NTRK2: variants seen among roughly 807,000 people sequenced by gnomAD.
NTRK2 encodes the protein neurotrophic receptor tyrosine kinase 2.
A neutral mutation model predicts 94.5 loss-of-function variants in NTRK2; 13 were observed. The observed-to-expected ratio is 0.14, with a 90% CI of 0.09 to 0.22. The LOEUF is 0.22. NTRK2 is among the 10% of genes least tolerant of loss of function. The pLI is 1.00. For missense variants in NTRK2, 639 were observed against 1,071.2 expected (o/e 0.60, Z 5.63); for synonymous variants, 372 against 407.4 (o/e 0.91, Z 1.05).
chr9:84,894,152 A>T (rs62562455), intron 14 of NTRK2, among the ~76,000 whole-genome samples: 1 of 150,680 alleles, frequency 6.6e-6, no homozygotes, highest in Non-Finnish European at 1.5e-5. Context: ...TTTGGGTGTT[A>T]CTTGACTATT....
At chr9:84,905,307 A>T (rs947927643) in intron 14 of NTRK2, among the ~76,000 whole-genome samples, 1 of 147,794 alleles carries the variant, frequency 6.8e-6, no homozygotes, top group African/African-American at 2.5e-5. Context: ...TGTGTGTGTG[A>T]CTGACAGAAA....
chr9:84,876,833 A>C, intron 14 of NTRK2: 1 of 1,062,604 alleles, frequency 9.4e-7, no homozygotes, highest in Non-Finnish European at 1.1e-6. Flanking sequence ...GTCAGAATGT[A>C]TACATTTAGT....
intron 14 of NTRK2, among the ~76,000 whole-genome samples, chr9:84,881,040 G>A (rs1182275098): frequency 6.6e-6 from 1 of 152,226 alleles, no homozygotes; most frequent in African/African-American, 2.4e-5. Context: ...TTGGGGTGGA[G>A]ATGCAGCCAG....
intron 14 of NTRK2, chr9:84,872,600 T>G: frequency 9.4e-7 from 1 of 1,064,136 alleles, no homozygotes; most frequent in African/African-American, 1.6e-5. Flanking sequence ...TAAAGTATTC[T>G]GACTTTTTTT....
intron 11 of NTRK2, among the ~76,000 whole-genome samples, chr9:84,747,674 GT>G (rs1425488253): frequency 6.6e-6 from 1 of 151,896 alleles, no homozygotes; most frequent in Non-Finnish European, 1.5e-5. Context: ...GTAGAGACAT[GT>G]TTTCACCATG....
chr9:84,927,540 A>C lies in NTRK2; in HGVS notation c.1634-6622A>C, dbSNP rs1337972651. 2.0e-5 allele frequency among the ~76,000 whole-genome samples: 3 copies of C among 152,218 alleles called. No individual in the cohort carries two copies. In the East Asian group the frequency reaches 5.8e-4, roughly 29 times the overall value. ...AAAGTTTATTGAACTAAATTGTTAGAAATAGACCTCTGATTTCCTAGATAG... is the reference window on the plus strand; with the variant it reads ...AAAGTTTATTGAACTAAATTGTTAGCAATAGACCTCTGATTTCCTAGATAG... On this transcript the variant is annotated intron_variant, in intron 14 of 18. Coordinates refer to ENST00000277120, the MANE Select transcript of NTRK2 (RefSeq NM_006180.6).
rs918780579 is a variant in NTRK2, at chr9:84,969,881, C to T, written c.2172+14364C>T. Among the ~76,000 whole-genome samples, 10 of 152,246 alleles carry T rather than the reference C, an allele frequency of 6.6e-5. No homozygotes were observed. The East Asian group carries it at 1.3e-3, about 21-fold the overall frequency. On this transcript the variant is annotated intron_variant, in intron 17 of 18. Transcript: ENST00000277120. ...CTTTACAGCATTGTAAACCAGTGCA[C>T]GAATGCTCATTAGACATGTATAATA...
At position 84,743,641 on chromosome 9, in the gene NTRK2, T is replaced by C. The variant is rs567372347; in HGVS notation, c.1196-1332T>C. Reference sequence around the variant, plus strand: ...CATCTTAAAATTACATTTTTGACCCTTTCCCAGTTAATTCAAGACTTTAAA... The same window carrying C: ...CATCTTAAAATTACATTTTTGACCCCTTCCCAGTTAATTCAAGACTTTAAA... On this transcript the variant is annotated intron_variant, in intron 10 of 18. Coordinates refer to ENST00000277120, the MANE Select transcript of NTRK2 (RefSeq NM_006180.6). 2.6e-5 allele frequency among the ~76,000 whole-genome samples: 4 copies of C among 152,330 alleles called. No individual in the cohort carries two copies. In the East Asian group the frequency reaches 7.7e-4, roughly 29 times the overall value.
intron 15 of NTRK2, among the ~76,000 whole-genome samples, chr9:84,945,145 G>T (rs2078554219): frequency 6.6e-6 from 1 of 152,206 alleles, no homozygotes; most frequent in East Asian, 1.9e-4. Context: ...TTGGAAACAA[G>T]TCCTTTCACT....
chr9:84,743,698 C>G (rs2063829951), intron 10 of NTRK2, among the ~76,000 whole-genome samples: 1 of 152,210 alleles, frequency 6.6e-6, no homozygotes, highest in African/African-American at 2.4e-5. Context: ...TCAGATCCTA[C>G]TTTGGATCTT....
intron 12 of NTRK2, among the ~76,000 whole-genome samples, chr9:84,788,413 G>A (rs2068349395): frequency 6.6e-6 from 1 of 152,184 alleles, no homozygotes; most frequent in Non-Finnish European, 1.5e-5. Flanking sequence ...AGAAGCACCT[G>A]GTGAGTTTGC....
At chr9:84,790,840 G>A (rs1291338682) in intron 12 of NTRK2, among the ~76,000 whole-genome samples, 2 of 152,150 alleles carry the variant, frequency 1.3e-5, no homozygotes, top group African/African-American at 4.8e-5. Flanking sequence ...GTTCTGATAA[G>A]GCAGTTATTA....
intron 12 of NTRK2, among the ~76,000 whole-genome samples, chr9:84,830,117 A>G (rs886641338): frequency 1.3e-5 from 2 of 152,188 alleles, no homozygotes; most frequent in Non-Finnish European, 2.9e-5. Flanking sequence ...GTTGGCATTC[A>G]TGTAGACTTA....
intron 2 of NTRK2, among the ~76,000 whole-genome samples, chr9:84,672,936 G>T (rs930321950): frequency 9.2e-5 from 14 of 152,134 alleles, no homozygotes; most frequent in Non-Finnish European, 1.8e-4. Context: ...ATGTGTCATA[G>T]TTATTCATTC....
intron 12 of NTRK2, among the ~76,000 whole-genome samples, chr9:84,781,058 G>T (rs557854204): frequency 3.3e-5 from 5 of 152,090 alleles, no homozygotes; most frequent in Non-Finnish European, 7.4e-5. Flanking sequence ...GGTGCAAAAG[G>T]GTAAATGTGC....
intron 2 of NTRK2, among the ~76,000 whole-genome samples, chr9:84,682,400 C>T (rs1184396874): frequency 6.6e-6 from 1 of 152,140 alleles, no homozygotes; most frequent in Non-Finnish European, 1.5e-5. Flanking sequence ...ACCATGAATA[C>T]ACTTTGTAAC....
At chr9:84,686,877 G>T (rs1054479196) in intron 2 of NTRK2, among the ~76,000 whole-genome samples, 3 of 152,078 alleles carry the variant, frequency 2.0e-5, no homozygotes, top group African/African-American at 7.2e-5. Flanking sequence ...GAAGTCTATA[G>T]GTTAATAAAT....
rs2117925042 is a variant in NTRK2 at position 85,020,190 on chromosome 9, A to T, written c.2173-16A>T. ...CGGGGTGACTGATGCCTCCCTGTTGATCCCTTTCTCCCCAGGTCGGTGGCC... is the reference window on the plus strand; with the variant it reads ...CGGGGTGACTGATGCCTCCCTGTTGTTCCCTTTCTCCCCAGGTCGGTGGCC... On this transcript the variant is annotated splice_polypyrimidine_tract_variant and intron_variant, in intron 17 of 18. Coordinates refer to ENST00000277120, the MANE Select transcript of NTRK2 (RefSeq NM_006180.6). 1 of 1,613,862 alleles carries T rather than the reference A, an allele frequency of 6.2e-7. No individual in the cohort carries two copies. The highest frequency in any genetic ancestry group is 8.5e-7 in the Non-Finnish European group (1 of 1,179,972).
chr9:84,811,709 G>A (rs1044176520), intron 12 of NTRK2: 2 of 1,065,596 alleles, frequency 1.9e-6, no homozygotes, highest in African/African-American at 1.6e-5. Context: ...GAGGTGGCAG[G>A]TCGCTAATGA....
Sources: gnomAD v4.1 joint callset for allele counts (sites outside exome capture counted in the v4.1 genomes callset) on GRCh38, gnomAD v4.1.1 for gene constraint, MANE v1.5 for transcripts, NCBI Gene and HGNC (gene_info 2026-07-23, HGNC 2026-07-21) for gene names.